Variants in ARVCF observed in about 807,000 individuals in gnomAD.
ARVCF encodes ARVCF delta catenin family member.
In ARVCF, 66 loss-of-function variants were observed where a neutral mutation model predicts 90.9. The ratio of observed to expected loss-of-function variants is 0.73; its 90% CI spans 0.60 to 0.89. ARVCF has a LOEUF of 0.89. Ranked by LOEUF, ARVCF falls within the 40% of genes least tolerant of loss-of-function variation. The pLI, the probability that ARVCF is intolerant of heterozygous loss-of-function variation, is 0.00. For missense variants in ARVCF, 1,469 were observed against 1,382.3 expected (o/e 1.06, Z -1.00); for synonymous variants, 653 against 603.4 (o/e 1.08, Z -1.21).
chr22:19,992,349 C>T (rs773789596), intron 2 of ARVCF, among the ~76,000 whole-genome samples: 103 of 152,296 alleles, frequency 6.8e-4, no homozygotes, highest in Admixed American at 1.6e-3. Flanking sequence ...TGGGGGCCGC[C>T]GCCCGAGACT....
chr22:19,973,082 C>A (rs774270187), intron 14 of ARVCF, 37 bp downstream of exon 14: 35 of 1,599,676 alleles, frequency 2.2e-5, no homozygotes, highest in African/African-American at 1.3e-4. Context: ...CCCCCACCTC[C>A]GCGGCTCCCC....
intron 2 of ARVCF, among the ~76,000 whole-genome samples, chr22:19,991,050 C>CT (rs1439204428): frequency 6.6e-6 from 1 of 152,282 alleles, no homozygotes; most frequent in Non-Finnish European, 1.5e-5. Context: ...CCTCTGCTTC[C>CT]TGCTAGACCT....
chr22:19,968,405 T>C, downstream of ARVCF: 1 of 875,562 alleles, frequency 1.1e-6, no homozygotes, highest in Non-Finnish European at 1.9e-6. Context: ...GGGCAGAAAG[T>C]GGAAACCTGG....
At chr22:20,014,922 T>C (rs1204830364) in intron 1 of ARVCF, among the ~76,000 whole-genome samples, 2 of 152,076 alleles carry the variant, frequency 1.3e-5, no homozygotes, top group African/African-American at 4.8e-5. Flanking sequence ...GGAGGGGTGC[T>C]ACCCTACCCT....
intron 7 of ARVCF, 47 bp from the exon 8 acceptor site, chr22:19,978,122 C>G (rs1943267855): frequency 6.5e-7 from 1 of 1,536,082 alleles, no homozygotes; most frequent in Non-Finnish European, 8.8e-7. Flanking sequence ...ACCAGAAACT[C>G]CCTGGCTCCA....
intron 3 of ARVCF, among the ~76,000 whole-genome samples, chr22:19,989,969 G>A (rs1024699747): frequency 1.3e-5 from 2 of 152,212 alleles, no homozygotes; most frequent in Admixed American, 1.3e-4. Flanking sequence ...CAAGCCAGGG[G>A]CTCTTGCTGT....
At chr22:19,974,897 TGAG>T (rs1255178449) in intron 11 of ARVCF, among the ~76,000 whole-genome samples, 1 of 152,148 alleles carries the variant, frequency 6.6e-6, no homozygotes, top group Non-Finnish European at 1.5e-5. Context: ...GCTCCAGAAA[TGAG>T]GGGTCAAAAC....
Position 19,970,006 on chromosome 22 carries a change from T to C in ARVCF, c.*750A>G, listed in dbSNP as rs1942657755. 1.0e-6 allele frequency: 1 copy of C among 985,646 alleles called. No individual in the cohort carries two copies. Among genetic ancestry groups the C allele is most frequent in the African/African-American group, 1.7e-5 (1 of 57,368 alleles). 61.1% of individuals were successfully genotyped at this position (985,646 alleles called of 1,614,324 possible). A position where few individuals can be genotyped will look rare whatever the true frequency, so the allele number is the denominator to read the frequency against. ...TTTCTCAGTGTTTTTCTTCTGTTTC[T>C]GAGTCACGAACAGCAGGCACTGAAA... On this transcript the variant is annotated 3_prime_UTR_variant, in exon 20 of 20. Transcript: ENST00000263207.
chr22:19,973,878 C>G, intron 12 of ARVCF, 85 bp from the exon 13 acceptor site: 1 of 1,524,930 alleles, frequency 6.6e-7, no homozygotes, highest in South Asian at 1.2e-5. Flanking sequence ...TCCAGCTGGA[C>G]CTTCCTGCTC....
intron 2 of ARVCF, 29 bp from the exon 3 acceptor site, chr22:19,990,841 G>T (rs763194383): frequency 2.6e-6 from 4 of 1,534,224 alleles, no homozygotes; most frequent in Non-Finnish European, 3.5e-6. Flanking sequence ...AAGCTCAGTG[G>T]GGTGGGGCAC....
downstream of ARVCF, chr22:19,967,658 G>A (rs1414923998): frequency 1.0e-5 from 3 of 294,684 alleles, no homozygotes; most frequent in Non-Finnish European, 1.3e-5. Flanking sequence ...CAAGGCACCT[G>A]CCTGCAAATT....
intron 6 of ARVCF, 26 bp downstream of exon 6, chr22:19,979,717 T>C: frequency 6.4e-7 from 1 of 1,571,648 alleles, no homozygotes; most frequent in African/African-American, 1.3e-5. Flanking sequence ...TCCCAGGGGA[T>C]GTGAGCATGG....
intron 18 of ARVCF, among the ~76,000 whole-genome samples, 183 bp from the exon 19 acceptor site, chr22:19,971,518 G>A (rs1040438598): frequency 6.6e-6 from 1 of 152,184 alleles, no homozygotes; most frequent in Non-Finnish European, 1.5e-5. Context: ...GGGCGGGCAC[G>A]TGCACACACA....
intron 3 of ARVCF, among the ~76,000 whole-genome samples, chr22:19,982,847 C>A (rs774956806): frequency 2.0e-5 from 3 of 152,218 alleles, no homozygotes; most frequent in Non-Finnish European, 2.9e-5. Context: ...AGAGACCAGA[C>A]ACAGTAGATT....
chr22:20,000,843 G>T (rs902203823), intron 2 of ARVCF, among the ~76,000 whole-genome samples: 3 of 152,106 alleles, frequency 2.0e-5, no homozygotes, highest in Admixed American at 2.0e-4. Flanking sequence ...CACCAGACAC[G>T]GAATCTGCTG....
chr22:19,977,214 G>A (rs542459127), intron 9 of ARVCF, among the ~76,000 whole-genome samples: 2 of 150,760 alleles, frequency 1.3e-5, no homozygotes, highest in Admixed American at 6.6e-5. Context: ...AGTGTAGATG[G>A]GGAAGGTTGG....
At chr22:20,007,025 A>G (rs2146478910) in intron 2 of ARVCF, among the ~76,000 whole-genome samples, 1 of 151,650 alleles carries the variant, frequency 6.6e-6, no homozygotes, top group Admixed American at 6.6e-5. Context: ...AGGCCAAGGC[A>G]AGTGGATTGC....
rs2286480 is a variant in ARVCF at position 20,016,788 on chromosome 22, C to T, written c.-272G>A. ...AGGCCCAGCGCGCAACCCGAGACCCCGGGCCAGCCCTCCCGCCCTCACGCG... is the reference window on the plus strand; with the variant it reads ...AGGCCCAGCGCGCAACCCGAGACCCTGGGCCAGCCCTCCCGCCCTCACGCG... On this transcript the variant is annotated 5_prime_UTR_variant, in exon 1 of 20. Transcript: ENST00000263207. 37,488 of 151,292 alleles carry T rather than the reference C, an allele frequency of 0.25. 5,607 individuals are homozygous for T. Among genetic ancestry groups the T allele is most frequent in the South Asian group, 0.34 (1,620 of 4,820 alleles). 9.4% of individuals were successfully genotyped at this position (151,292 alleles called of 1,614,324 possible). A position where few individuals can be genotyped will look rare whatever the true frequency, so the allele number is the denominator to read the frequency against.
chr22:19,998,223 C>A (rs1944323644), intron 2 of ARVCF, among the ~76,000 whole-genome samples: 1 of 152,234 alleles, frequency 6.6e-6, no homozygotes, highest in Non-Finnish European at 1.5e-5. Context: ...ACAGGGCCGT[C>A]CGCCTGCAAC....
Sources: allele counts gnomAD v4.1 joint callset (sites outside exome capture counted in the v4.1 genomes callset), GRCh38; gene constraint gnomAD v4.1.1; transcripts MANE v1.5; gene names NCBI Gene and HGNC (gene_info 2026-07-23, HGNC 2026-07-21).